Variants in PCSK5 observed in about 807,000 individuals in gnomAD.
The protein encoded by PCSK5 is proprotein convertase subtilisin/kexin type 5, also known as prohormone convertase 5.
Under a neutral mutation model 233.2 loss-of-function variants are expected in PCSK5, and 129 were observed. The ratio of observed to expected loss-of-function variants is 0.55; its 90% CI spans 0.48 to 0.64. The LOEUF is 0.64. PCSK5 is among the 30% of genes least tolerant of loss of function. The pLI, the probability that PCSK5 is intolerant of heterozygous loss-of-function variation, is 0.00. For synonymous variants in PCSK5, 825 were observed against 879.2 expected (o/e 0.94, Z 1.09); for missense variants, 2,076 against 2,430.1 (o/e 0.85, Z 3.06).
chr9:76,313,153 C>G (rs993631569), intron 30 of PCSK5, among the ~76,000 whole-genome samples: 1 of 152,202 alleles, frequency 6.6e-6, no homozygotes, highest in African/African-American at 2.4e-5. Flanking sequence ...CAATTTTACA[C>G]ATCAAATACA....
intron 4 of PCSK5, among the ~76,000 whole-genome samples, chr9:76,025,462 A>C (rs1037212857): frequency 3.9e-5 from 6 of 152,092 alleles, no homozygotes; most frequent in Non-Finnish European, 8.8e-5. Context: ...AAAATAAGCC[A>C]AATTATACTC....
At chr9:76,168,254 G>A (rs1287343357) in intron 12 of PCSK5, among the ~76,000 whole-genome samples, 1 of 151,970 alleles carries the variant, frequency 6.6e-6, no homozygotes, top group Non-Finnish European at 1.5e-5. Flanking sequence ...TGGGTTCAAG[G>A]GATTCTCCTG....
At chr9:76,216,200 G>A (rs1825523979) in intron 20 of PCSK5, among the ~76,000 whole-genome samples, 1 of 152,148 alleles carries the variant, frequency 6.6e-6, no homozygotes, top group Non-Finnish European at 1.5e-5. Flanking sequence ...GGTGGAGGGA[G>A]ACAGAGGCTA....
At chr9:76,014,439 A>G (rs1827860748) in intron 3 of PCSK5, among the ~76,000 whole-genome samples, 1 of 152,230 alleles carries the variant, frequency 6.6e-6, no homozygotes. Context: ...AGCCAGGAAG[A>G]AAGTCATTTG....
chr9:76,013,673 C>A (rs1237151649), intron 3 of PCSK5, among the ~76,000 whole-genome samples: 1 of 152,130 alleles, frequency 6.6e-6, no homozygotes, highest in Non-Finnish European at 1.5e-5. Context: ...AAGCTGATTG[C>A]AGAATGAATG....
chr9:76,027,332 G>A (rs578033704), intron 5 of PCSK5, among the ~76,000 whole-genome samples: 46 of 152,192 alleles, frequency 3.0e-4, no homozygotes, highest in Middle Eastern at 3.4e-3. Context: ...TTTGTTTAGG[G>A]ACAGGGGTGG....
rs776605015 is a variant in PCSK5, at chr9:76,175,217, GAATGAAATGGAATGGAATGA to G, written c.1900+93_1900+112del. The G allele has an allele frequency of 9.0e-4, 489 of 541,624 alleles. 1 individual carries two copies. The highest frequency in any genetic ancestry group is 8.2e-3 in the African/African-American group (405 of 49,224). The allele number at this position is 541,624 out of a possible 1,614,324, so 33.6% of individuals were successfully genotyped here. On this transcript the variant is annotated intron_variant, in intron 14 of 37. Transcript: ENST00000674117. ...TGGGAGAACAGAATGGAATGGAATGGAATGAAATGGAATGGAATGAAATGGAATGGAATGGAATGGAATGG... is the reference window on the plus strand; with the variant it reads ...TGGGAGAACAGAATGGAATGGAATGGAATGGAATGGAATGGAATGGAATGG...
At chr9:75,979,073 C>T (rs1463683634) in intron 2 of PCSK5, among the ~76,000 whole-genome samples, 5 of 152,056 alleles carry the variant, frequency 3.3e-5, no homozygotes, top group Admixed American at 6.5e-5. Flanking sequence ...AGACTGGTCT[C>T]GAACTCCTGT....
intron 3 of PCSK5, among the ~76,000 whole-genome samples, chr9:76,019,375 G>A (rs1270998189): frequency 6.6e-6 from 1 of 151,768 alleles, no homozygotes; most frequent in African/African-American, 2.4e-5. Flanking sequence ...TGTAAAACAG[G>A]TTTTTGGATA....
intron 1 of PCSK5, among the ~76,000 whole-genome samples, chr9:75,925,415 ATT>A (rs1411725786): frequency 6.6e-6 from 1 of 152,172 alleles, no homozygotes; most frequent in Non-Finnish European, 1.5e-5. Flanking sequence ...CTACTCGTTT[ATT>A]GAGTGTGCCT....
At chr9:75,994,396 C>CTTTTTTTTTTTTTT (rs1826907729) in intron 3 of PCSK5, among the ~76,000 whole-genome samples, 1 of 68,334 alleles carries the variant, frequency 1.5e-5, no homozygotes, top group Non-Finnish European at 3.0e-5. Context: ...TTCTTTCTTT[C>CTTTTTTTTTTTTTT]TTTCTTTTTT....
chr9:76,043,052 A>C (rs1293851729), intron 5 of PCSK5, among the ~76,000 whole-genome samples: 2 of 152,290 alleles, frequency 1.3e-5, no homozygotes, highest in Non-Finnish European at 2.9e-5. Context: ...GATGGTAAAG[A>C]AATGTACTTT....
At chr9:76,041,400 A>G (rs1829110190) in intron 5 of PCSK5, among the ~76,000 whole-genome samples, 1 of 152,172 alleles carries the variant, frequency 6.6e-6, no homozygotes, top group South Asian at 2.1e-4. Flanking sequence ...AGCTCCTTGC[A>G]AGCTTTGGAA....
At position 76,297,937 on chromosome 9, in the gene PCSK5, AG is replaced by A. The variant is rs573016536; in HGVS notation, c.3523+1074del. On this transcript the variant is annotated intron_variant, in intron 27 of 37. Coordinates refer to ENST00000674117, the MANE Select transcript of PCSK5 (RefSeq NM_001372043.1). ...AGACCGTGGAAAGCCCAGCAGCCAA[AG>A]GCCACGGAGAACACGGGCCCTATTT... is the stretch of plus-strand genomic sequence containing the variant. Among the ~76,000 whole-genome samples the A allele has an allele frequency of 4.9e-3, 743 of 152,300 alleles. 2 individuals are homozygous for A. Among genetic ancestry groups the A allele is most frequent in the Non-Finnish European group, 7.5e-3 (512 of 68,018 alleles).
Position 76,328,252 on chromosome 9 carries a change from T to C in PCSK5, c.4570+13T>C, listed in dbSNP as rs1389921790. 2 of 1,574,004 alleles carry C rather than the reference T, an allele frequency of 1.3e-6. No homozygotes were observed. ...AGCCTTCTTCTCAGTGAGTTACTTC[T>C]CCGAGGACAGCTTTGTGTTTCCATC... On this transcript the variant is annotated intron_variant, in intron 33 of 37. Transcript: ENST00000674117.
intron 16 of PCSK5, among the ~76,000 whole-genome samples, chr9:76,183,274 G>C (rs1370946475): frequency 6.6e-6 from 1 of 152,284 alleles, no homozygotes; most frequent in East Asian, 1.9e-4. Flanking sequence ...TATGACTTCA[G>C]CTACCAGGAA....
intron 24 of PCSK5, among the ~76,000 whole-genome samples, chr9:76,261,575 TA>T (rs917629863): frequency 5.1e-4 from 78 of 152,302 alleles, no homozygotes; most frequent in Admixed American, 1.5e-3. Flanking sequence ...ACCAAGGAGA[TA>T]AAAAATCTCT....
At chr9:75,974,283 T>G (rs1453530755) in intron 2 of PCSK5, among the ~76,000 whole-genome samples, 1 of 152,154 alleles carries the variant, frequency 6.6e-6, no homozygotes, top group East Asian at 1.9e-4. Flanking sequence ...GCCGGTGCAC[T>G]CATTCATCAG....
intron 20 of PCSK5, among the ~76,000 whole-genome samples, chr9:76,197,666 G>A (rs1440194658): frequency 2.0e-5 from 3 of 151,878 alleles, no homozygotes; most frequent in South Asian, 2.1e-4. Flanking sequence ...TTGCATATTG[G>A]AGGCAATTTT....
Sources: gnomAD v4.1 joint callset for allele counts (sites outside exome capture counted in the v4.1 genomes callset) on GRCh38, gnomAD v4.1.1 for gene constraint, MANE v1.5 for transcripts, NCBI Gene and HGNC (gene_info 2026-07-23, HGNC 2026-07-21) for gene names.